CSMD3: variants seen among roughly 807,000 people sequenced by gnomAD.
The protein encoded by CSMD3 is CUB and sushi domain-containing protein 3.
A neutral mutation model predicts 435.2 loss-of-function variants in CSMD3; 177 were observed. That is an observed-to-expected ratio of 0.41 (90% CI 0.36 to 0.46). The LOEUF (loss-of-function observed/expected upper bound fraction) is 0.46. Ranked by LOEUF, CSMD3 falls within the 20% of genes least tolerant of loss-of-function variation. The pLI, the probability that CSMD3 is intolerant of heterozygous loss-of-function variation, is 0.34. For missense variants in CSMD3, 4,265 were observed against 4,504.6 expected, an observed-to-expected ratio of 0.95 and a Z score of 1.52; for synonymous variants, 1,656 against 1,520.5, an observed-to-expected ratio of 1.09 and a Z score of -2.07.
intron 54 of CSMD3, among the ~76,000 whole-genome samples, chr8:112,295,253 A>G (rs2130708839): frequency 6.6e-6 from 1 of 152,258 alleles, no homozygotes; most frequent in African/African-American, 2.4e-5. Context: ...CTCTCTATAT[A>G]AGGGAATTAC....
chr8:113,286,800 G>A lies in CSMD3; in HGVS notation c.402-8096C>T, dbSNP rs575579328. 5.3e-5 allele frequency among the ~76,000 whole-genome samples: 8 copies of A among 151,934 alleles called. No individual in the cohort carries two copies. In the East Asian group the frequency reaches 5.8e-4, roughly 11 times the overall value. ...TTAAAGAATGGATGTAACAGGCATC[G>A]TTTTAAATTAAGAGGTTATTAGCAT... is the stretch of plus-strand genomic sequence containing the variant. On this transcript the variant is annotated intron_variant, in intron 2 of 70. Transcript: ENST00000297405.
intron 4 of CSMD3, among the ~76,000 whole-genome samples, chr8:113,108,261 C>G (rs990279050): frequency 6.6e-6 from 1 of 151,914 alleles, no homozygotes; most frequent in Non-Finnish European, 1.5e-5. Flanking sequence ...AACCCCATCT[C>G]TACTAAAAAT....
intron 63 of CSMD3, 127 bp downstream of exon 63, chr8:112,254,126 C>A: frequency 1.3e-6 from 1 of 785,652 alleles, no homozygotes. Flanking sequence ...GTCTGTTACC[C>A]TTTTTATGTG....
chr8:112,503,904 T>C lies in CSMD3; in HGVS notation c.4969A>G (p.Ser1657Gly). 6.2e-7 allele frequency: 1 copy of C among 1,612,784 alleles called. No individual in the cohort carries two copies. The highest frequency in any genetic ancestry group is 1.7e-5 in the Admixed American group (1 of 59,948). The change falls in exon 30 of 71, where the codon AGT (serine) becomes GGT (glycine). Residue 1657 changes from serine (S) to glycine (G), a missense_variant. This residue lies in a region of CSMD3 where 3,255 missense variants were observed against 3,380.2 expected (regional missense o/e 0.96). Coordinates refer to ENST00000297405, the MANE Select transcript of CSMD3 (RefSeq NM_198123.2). ...GPDSNSPLIG[S>G]FQDSKLPERI... Reference sequence around the variant, plus strand: ...TCTGGTAACTTGCTGTCTTGAAAACTTCCAATCAGTGGGCTATTACTGTCT... The same window carrying C: ...TCTGGTAACTTGCTGTCTTGAAAACCTCCAATCAGTGGGCTATTACTGTCT...
rs1587256904 is a variant in CSMD3 at position 112,775,770 on chromosome 8, T to TTATGTGC, written c.1972+24391_1972+24392insGCACATA. 2.0e-5 allele frequency among the ~76,000 whole-genome samples: 3 copies of TTATGTGC among 152,014 alleles called. No individual in the cohort carries two copies. The East Asian group carries it at 5.8e-4, about 29-fold the overall frequency. On this transcript the variant is annotated intron_variant, in intron 13 of 70. Coordinates refer to ENST00000297405, the MANE Select transcript of CSMD3 (RefSeq NM_198123.2). ...CACAAAGCAATATATTTGTATTTCC[T>TTATGTGC]AAGCACCCATTGTGTGTTTTAACTA...
intron 3 of CSMD3, among the ~76,000 whole-genome samples, chr8:113,214,764 ATATAT>A (rs1168837133): frequency 6.6e-6 from 1 of 151,838 alleles, no homozygotes; most frequent in Non-Finnish European, 1.5e-5. Flanking sequence ...GGTTGTTTTT[ATATAT>A]TAATGTGTCA....
rs2078009242 is a variant in CSMD3, at chr8:112,767,519, C to T, written c.1972+32643G>A. 2.0e-5 allele frequency among the ~76,000 whole-genome samples: 3 copies of T among 151,872 alleles called. No homozygotes were observed. The East Asian group carries it at 5.8e-4, about 30-fold the overall frequency. On this transcript the variant is annotated intron_variant, in intron 13 of 70. Transcript: ENST00000297405. Reference sequence around the variant, plus strand: ...GTACAAGTTACTTAACCTCTCTATGCCTCAGTTTCCTCACATGTAAAACTA... The same window carrying T: ...GTACAAGTTACTTAACCTCTCTATGTCTCAGTTTCCTCACATGTAAAACTA...
At chr8:112,342,649 A>C (rs1320722772) in intron 41 of CSMD3, among the ~76,000 whole-genome samples, 1 of 152,034 alleles carries the variant, frequency 6.6e-6, no homozygotes. Flanking sequence ...CTGCAAACCG[A>C]GGCATTCAGA....
intron 23 of CSMD3, among the ~76,000 whole-genome samples, chr8:112,579,198 T>A (rs1052288199): frequency 1.5e-4 from 23 of 152,180 alleles, no homozygotes; most frequent in African/African-American, 5.5e-4. Context: ...TAAATAATAG[T>A]TTTCAAATAC....
At chr8:112,811,843 G>T (rs942952434) in intron 12 of CSMD3, among the ~76,000 whole-genome samples, 4 of 152,102 alleles carry the variant, frequency 2.6e-5, no homozygotes, top group African/African-American at 4.8e-5. Flanking sequence ...TGAAAACCCT[G>T]CTCTTTGTAT....
intron 1 of CSMD3, among the ~76,000 whole-genome samples, chr8:113,351,727 A>G (rs918804659): frequency 6.6e-6 from 1 of 152,104 alleles, no homozygotes; most frequent in Non-Finnish European, 1.5e-5. Flanking sequence ...AGAAAAACCT[A>G]TGAGATAAAG....
intron 23 of CSMD3, 68 bp downstream of exon 23, chr8:112,586,998 A>T (rs1830784225): frequency 9.4e-7 from 1 of 1,067,902 alleles, no homozygotes; most frequent in South Asian, 1.3e-5. Context: ...AGATGTATAT[A>T]TTTATCTATT....
intron 41 of CSMD3, among the ~76,000 whole-genome samples, chr8:112,344,725 T>C (rs545686441): frequency 1.2e-4 from 18 of 152,256 alleles, no homozygotes; most frequent in African/African-American, 4.3e-4. Context: ...AGAGAGTATA[T>C]TAGTGATGTA....
intron 6 of CSMD3, among the ~76,000 whole-genome samples, chr8:112,989,703 AT>A (rs1464555654): frequency 6.6e-6 from 1 of 151,902 alleles, no homozygotes; most frequent in Non-Finnish European, 1.5e-5. Context: ...GGATGTCCTA[AT>A]GACTTGCTGT....
intron 5 of CSMD3, among the ~76,000 whole-genome samples, chr8:113,041,359 T>C (rs2087608578): frequency 1.3e-5 from 2 of 152,022 alleles, no homozygotes; most frequent in Non-Finnish European, 2.9e-5. Context: ...AGAGAAATGT[T>C]AGAATTCCAC....
chr8:112,301,265 T>C (rs1245699138), intron 53 of CSMD3, among the ~76,000 whole-genome samples: 2 of 152,092 alleles, frequency 1.3e-5, no homozygotes, highest in Non-Finnish European at 2.9e-5. Context: ...AGATTTTTTA[T>C]AATAAATACT....
At chr8:112,833,238 T>C (rs969144646) in intron 11 of CSMD3, among the ~76,000 whole-genome samples, 1 of 152,074 alleles carries the variant, frequency 6.6e-6, no homozygotes, top group East Asian at 1.9e-4. Context: ...TGTAACTGAT[T>C]TGGTGAGAAC....
intron 3 of CSMD3, among the ~76,000 whole-genome samples, chr8:113,267,434 C>T (rs140985739): frequency 9.2e-5 from 14 of 151,762 alleles, no homozygotes; most frequent in Middle Eastern, 6.8e-3. Context: ...TAAGTCATGC[C>T]ATTTGCAGCA....
At position 112,224,614 on chromosome 8, in the gene CSMD3, T is replaced by C. The variant is rs1370298320; in HGVS notation, c.*157A>G. On this transcript the variant is annotated 3_prime_UTR_variant, in exon 71 of 71. Coordinates refer to ENST00000297405, the MANE Select transcript of CSMD3 (RefSeq NM_198123.2). ...CCATGGTAAACATGAAGAATTATGG[T>C]CCAGTTTATGAAAAAACACTCTTCT... 1.1e-5 allele frequency: 8 copies of C among 751,046 alleles called. No homozygotes were observed. Among genetic ancestry groups the C allele is most frequent in the Non-Finnish European group, 1.9e-5 (8 of 426,088 alleles). 46.5% of individuals were successfully genotyped at this position (751,046 alleles called of 1,614,324 possible).
Sources: gnomAD v4.1 joint callset for allele counts (sites outside exome capture counted in the v4.1 genomes callset) on GRCh38, gnomAD v4.1.1 for gene constraint, gnomAD v4.1.1 regional missense constraint, MANE v1.5 for transcripts, NCBI Gene and HGNC (gene_info 2026-07-23, HGNC 2026-07-21) for gene names.